The following ROR1 variants were observed in gnomAD, a reference collection of about 807,000 sequenced individuals.
ROR1 encodes the protein ROR family WNT receptor 1.
Under a neutral mutation model 78.8 loss-of-function variants are expected in ROR1, and 19 were observed. The ratio of observed to expected loss-of-function variants is 0.24; its 90% CI spans 0.17 to 0.35. The LOEUF (loss-of-function observed/expected upper bound fraction) is 0.35. Among genes scored for constraint, ROR1 ranks in the 10% least tolerant of loss-of-function variants. ROR1 has a pLI of 1.00. For missense variants in ROR1, 917 were observed against 1,177.8 expected, an observed-to-expected ratio of 0.78 and a Z score of 3.24; for synonymous variants, 386 against 433.6, an observed-to-expected ratio of 0.89 and a Z score of 1.36.
chr1:64,130,840 C>T (rs1407404691), intron 4 of ROR1, among the ~76,000 whole-genome samples: 1 of 152,162 alleles, frequency 6.6e-6, no homozygotes, highest in Admixed American at 6.5e-5. Flanking sequence ...GCTAATTTTA[C>T]CTTGAGAGAT....
At chr1:64,084,013 T>C (rs568869321) in intron 4 of ROR1, among the ~76,000 whole-genome samples, 1 of 152,346 alleles carries the variant, frequency 6.6e-6, no homozygotes, top group South Asian at 2.1e-4. Flanking sequence ...AAAGAACTAA[T>C]AAGGTCCTGG....
intron 1 of ROR1, among the ~76,000 whole-genome samples, chr1:63,914,290 A>C (rs1645593074): frequency 6.6e-6 from 1 of 152,192 alleles, no homozygotes; most frequent in Non-Finnish European, 1.5e-5. Flanking sequence ...ACAGACCCGC[A>C]GGGTTGTGAT....
rs1646103445 is a variant in ROR1 at position 63,969,667 on chromosome 1, C to T, written c.92-39638C>T. 2.6e-5 allele frequency among the ~76,000 whole-genome samples: 4 copies of T among 152,272 alleles called. No homozygotes were observed. In the South Asian group the frequency reaches 8.3e-4, roughly 32 times the overall value. Reference sequence around the variant, plus strand: ...AAATCTCCGCTCTTCCATGTGTTTTCCACCCCTCCATGTGTGATGAACCGT... The same window carrying T: ...AAATCTCCGCTCTTCCATGTGTTTTTCACCCCTCCATGTGTGATGAACCGT... On this transcript the variant is annotated intron_variant, in intron 1 of 8. Coordinates refer to ENST00000371079, the MANE Select transcript of ROR1 (RefSeq NM_005012.4).
chr1:63,776,720 C>G (rs757893519), intron 1 of ROR1, among the ~76,000 whole-genome samples: 9 of 152,166 alleles, frequency 5.9e-5, no homozygotes, highest in Non-Finnish European at 1.2e-4. Flanking sequence ...GCTTCTCTTT[C>G]CTTTTCTGAG....
rs187236088 is a variant in ROR1, at chr1:64,140,329, G to C, written c.831G>C (p.Leu277=). Reference sequence around the variant, plus strand: ...CAAATCCCATGATTCTGATGAGGCTGAAACTGCCAAACTGTGAAGATCTCC... The same window carrying C: ...CAAATCCCATGATTCTGATGAGGCTCAAACTGCCAAACTGTGAAGATCTCC... ...ARSNPMILMR[L]KLPNCEDLPQ... The change falls in exon 6 of 9, where the codon CTG becomes CTC. Residue 277 remains leucine (L), a synonymous_variant. Transcript: ENST00000371079. 6 of 1,614,164 alleles carry C rather than the reference G, an allele frequency of 3.7e-6. No individual in the cohort carries two copies. Among genetic ancestry groups the C allele is most frequent in the Non-Finnish European group, 5.1e-6 (6 of 1,180,024 alleles).
At chr1:64,061,456 A>G (rs1469425045) in intron 4 of ROR1, among the ~76,000 whole-genome samples, 1 of 152,234 alleles carries the variant, frequency 6.6e-6, no homozygotes, top group African/African-American at 2.4e-5. Flanking sequence ...TAGGTGAACC[A>G]AAAACCCCAG....
At position 64,178,204 on chromosome 1, in the gene ROR1, G is replaced by T. The variant is rs1183310745; in HGVS notation, c.2163G>T (p.Met721Ile). The T allele has an allele frequency of 6.2e-7, 1 of 1,614,042 alleles. No homozygotes were observed. The highest frequency in any genetic ancestry group is 8.5e-7 in the Non-Finnish European group (1 of 1,180,034). ...GCTCTGAAGACTGCCCACCCAGAAT[G>T]TACAGCCTCATGACAGAGTGCTGGA... is the stretch of plus-strand genomic sequence containing the variant. ...LPCSEDCPPR[M>I]YSLMTECWNE... The change falls in exon 9 of 9, where the codon ATG becomes ATT. Residue 721 changes from methionine (M) to isoleucine (I), a missense_variant. Around this residue, in one of 3 missense-constraint regions of ROR1, gnomAD observed 835 missense variants for 1,069.8 expected, o/e 0.78. Coordinates refer to ENST00000371079, the MANE Select transcript of ROR1 (RefSeq NM_005012.4). The surrounding 1 kb of genome is among the most constrained non-coding windows in gnomAD (Gnocchi z 4.3).
chr1:63,913,936 T>C (rs532623066), intron 1 of ROR1, among the ~76,000 whole-genome samples: 1 of 152,286 alleles, frequency 6.6e-6, no homozygotes, highest in East Asian at 1.9e-4. Context: ...CGGGGAGCCT[T>C]CCCTAGCAGT....
intron 2 of ROR1, among the ~76,000 whole-genome samples, chr1:64,043,217 AG>A (rs2100584106): frequency 6.6e-6 from 1 of 152,346 alleles, no homozygotes; most frequent in South Asian, 2.1e-4. Context: ...AATGTTGGGA[AG>A]GATTTGTGGA....
At chr1:63,824,027 C>T (rs1359162178) in intron 1 of ROR1, among the ~76,000 whole-genome samples, 1 of 152,140 alleles carries the variant, frequency 6.6e-6, no homozygotes, top group African/African-American at 2.4e-5. Context: ...GAATTACAGG[C>T]GTGAGCTACC....
At chr1:64,143,364 A>C (rs1286908649) in intron 7 of ROR1, 2 of 939,902 alleles carry the variant, frequency 2.1e-6, no homozygotes, top group East Asian at 1.4e-4. Flanking sequence ...CTACCAAAAA[A>C]AAGAAAAAAA....
chr1:64,164,595 C>T (rs1038866147), intron 8 of ROR1, among the ~76,000 whole-genome samples: 4 of 151,886 alleles, frequency 2.6e-5, no homozygotes, highest in African/African-American at 9.7e-5. Flanking sequence ...GAGTACAGAT[C>T]TTTTTTTTAA....
At chr1:63,902,314 A>G (rs906963063) in intron 1 of ROR1, among the ~76,000 whole-genome samples, 2 of 152,040 alleles carry the variant, frequency 1.3e-5, no homozygotes, top group Admixed American at 6.6e-5. Flanking sequence ...CCTAGTAGAC[A>G]ATAACAGACC....
intron 4 of ROR1, among the ~76,000 whole-genome samples, chr1:64,072,028 C>A (rs1459843956): frequency 6.6e-6 from 1 of 152,152 alleles, no homozygotes; most frequent in African/African-American, 2.4e-5. Context: ...AGAACTACCC[C>A]TGGCACAAAG....
intron 1 of ROR1, among the ~76,000 whole-genome samples, chr1:63,998,423 G>T (rs1020255441): frequency 1.3e-5 from 2 of 151,850 alleles, no homozygotes; most frequent in African/African-American, 4.8e-5. Flanking sequence ...TCTGTTTGAG[G>T]TCCCAACATG....
chr1:63,852,467 C>G (rs1379141145), intron 1 of ROR1, among the ~76,000 whole-genome samples: 1 of 152,218 alleles, frequency 6.6e-6, no homozygotes, highest in Non-Finnish European at 1.5e-5. Context: ...CTCCACTTCT[C>G]CCCTCTTCGG....
chr1:63,852,413 A>G (rs1486475912), intron 1 of ROR1, among the ~76,000 whole-genome samples: 1 of 152,200 alleles, frequency 6.6e-6, no homozygotes, highest in Non-Finnish European at 1.5e-5. Flanking sequence ...CCTCTTTCGC[A>G]CAACAGCCTT....
chr1:63,914,483 C>T lies in ROR1; in HGVS notation c.92-94822C>T, dbSNP rs537338769. Among the ~76,000 whole-genome samples, 138 of 152,234 alleles carry T rather than the reference C, an allele frequency of 9.1e-4. 1 individual carries two copies. The highest frequency in any genetic ancestry group is 3.0e-3 in the African/African-American group (126 of 41,544). ...CTGTCCCCAGTATTTCAGCTCATGCCGGTAATCAGCAGGCCTCCAGGAGGA... is the reference window on the plus strand; with the variant it reads ...CTGTCCCCAGTATTTCAGCTCATGCTGGTAATCAGCAGGCCTCCAGGAGGA... On this transcript the variant is annotated intron_variant, in intron 1 of 8. Coordinates refer to ENST00000371079, the MANE Select transcript of ROR1 (RefSeq NM_005012.4).
intron 1 of ROR1, among the ~76,000 whole-genome samples, chr1:63,814,661 A>T (rs1644878701): frequency 6.6e-6 from 1 of 151,982 alleles, no homozygotes; most frequent in Admixed American, 6.6e-5. Context: ...CACGCAACTT[A>T]GATACCTCGC....
Sources: gnomAD v4.1 joint callset for allele counts (sites outside exome capture counted in the v4.1 genomes callset) on GRCh38, gnomAD v4.1.1 for gene constraint, gnomAD v4.1.1 regional missense constraint, Gnocchi (gnomAD v3.1) non-coding constraint, MANE v1.5 for transcripts, NCBI Gene and HGNC (gene_info 2026-07-23, HGNC 2026-07-21) for gene names.